Variants in TLK1 observed in about 807,000 individuals in gnomAD.
The protein encoded by TLK1 is serine/threonine-protein kinase tousled-like 1.
TLK1 carries 24 observed loss-of-function variants against 105.3 expected under a neutral mutation model. That is an observed-to-expected ratio of 0.23 (90% CI 0.17 to 0.32). The LOEUF (loss-of-function observed/expected upper bound fraction) is 0.32, where lower values mean the gene tolerates loss of function less well. Ranked by LOEUF, TLK1 falls within the 10% of genes least tolerant of loss-of-function variation. The probability of loss-of-function intolerance (pLI) is 1.00; values close to 1 mark genes in which losing one functional copy is unlikely to be tolerated. For missense variants in TLK1, 558 were observed against 910.5 expected, an observed-to-expected ratio of 0.61 and a Z score of 4.98; for synonymous variants, 321 against 310.4, an observed-to-expected ratio of 1.03 and a Z score of -0.36.
chr2:171,156,295 A>G (rs1175266106), intron 1 of TLK1, among the ~76,000 whole-genome samples: 1 of 152,234 alleles, frequency 6.6e-6, no homozygotes, highest in Non-Finnish European at 1.5e-5. Context: ...AAAAATATAA[A>G]ACAATGCCAC....
At chr2:171,038,574 T>C (rs1182753212) in intron 11 of TLK1, among the ~76,000 whole-genome samples, 7 of 152,290 alleles carry the variant, frequency 4.6e-5, no homozygotes, top group Admixed American at 2.0e-4. Flanking sequence ...CTCATTTCCA[T>C]TGGCACTTTT....
intron 1 of TLK1, among the ~76,000 whole-genome samples, chr2:171,196,976 G>A (rs553488200): frequency 4.6e-5 from 7 of 152,076 alleles, no homozygotes; most frequent in Non-Finnish European, 7.4e-5. Flanking sequence ...TACATTTCAC[G>A]TAAGTCATAA....
intron 11 of TLK1, among the ~76,000 whole-genome samples, chr2:171,039,372 C>T (rs1030479151): frequency 6.6e-6 from 1 of 152,250 alleles, no homozygotes; most frequent in Admixed American, 6.5e-5. Flanking sequence ...CTCAAGCGAT[C>T]CTCCCACCTC....
At chr2:171,087,497 A>G (rs890702190) in intron 2 of TLK1, among the ~76,000 whole-genome samples, 9 of 152,178 alleles carry the variant, frequency 5.9e-5, no homozygotes, top group African/African-American at 2.2e-4. Flanking sequence ...GAAGCAGTCT[A>G]AGATACATGT....
chr2:171,217,983 G>A (rs961745558), intron 1 of TLK1, among the ~76,000 whole-genome samples: 1 of 152,304 alleles, frequency 6.6e-6, no homozygotes, highest in Middle Eastern at 3.4e-3. Context: ...GCCGGGCATG[G>A]TGGTTCATGC....
chr2:171,066,753 C>G, intron 3 of TLK1: 2 of 1,349,310 alleles, frequency 1.5e-6, no homozygotes, highest in Admixed American at 5.0e-5. Flanking sequence ...ACTTTCCCTT[C>G]TCTGGCTATC....
intron 12 of TLK1, among the ~76,000 whole-genome samples, chr2:171,017,893 T>C (rs1685285063): frequency 6.6e-6 from 1 of 152,224 alleles, no homozygotes; most frequent in African/African-American, 2.4e-5. Flanking sequence ...TGAAATATAT[T>C]TGTCTTTCAT....
intron 8 of TLK1, among the ~76,000 whole-genome samples, chr2:171,050,585 A>T (rs1687190945): frequency 6.6e-6 from 1 of 152,226 alleles, no homozygotes; most frequent in South Asian, 2.1e-4. Context: ...CTTATAATTA[A>T]CAAATTAAAT....
chr2:171,069,076 A>G (rs1188461032), intron 3 of TLK1, among the ~76,000 whole-genome samples: 1 of 152,246 alleles, frequency 6.6e-6, no homozygotes, highest in African/African-American at 2.4e-5. Flanking sequence ...TAGCTCAGGT[A>G]TATCTTAGAT....
At chr2:171,080,070 G>A (rs1688680542) in intron 3 of TLK1, among the ~76,000 whole-genome samples, 2 of 151,580 alleles carry the variant, frequency 1.3e-5, no homozygotes, top group South Asian at 4.2e-4. Context: ...GGTGGCTTAC[G>A]CCTATAATCC....
chr2:171,010,465 G>A (rs1239208771), intron 14 of TLK1, among the ~76,000 whole-genome samples: 1 of 152,116 alleles, frequency 6.6e-6, no homozygotes, highest in Non-Finnish European at 1.5e-5. Context: ...TTGAACTCAG[G>A]AAGAAAGTGT....
intron 1 of TLK1, among the ~76,000 whole-genome samples, chr2:171,142,019 A>T (rs533820471): frequency 3.1e-4 from 47 of 152,308 alleles, no homozygotes; most frequent in South Asian, 2.5e-3. Flanking sequence ...GGAGAGGGAA[A>T]TGTACAGTTA....
chr2:171,197,790 C>CA (rs1313397729), intron 1 of TLK1, among the ~76,000 whole-genome samples: 1 of 119,384 alleles, frequency 8.4e-6, no homozygotes, highest in Non-Finnish European at 1.9e-5. Context: ...AAAACAAAAC[C>CA]AAACAAACAA....
At chr2:171,073,549 C>T (rs1046332136) in intron 3 of TLK1, among the ~76,000 whole-genome samples, 11 of 152,076 alleles carry the variant, frequency 7.2e-5, no homozygotes, top group African/African-American at 1.9e-4. Context: ...CAGATGTATA[C>T]AGCCAGGATG....
chr2:171,101,487 GA>G (rs1295045960), intron 2 of TLK1, among the ~76,000 whole-genome samples: 1 of 152,120 alleles, frequency 6.6e-6, no homozygotes, highest in Non-Finnish European at 1.5e-5. Flanking sequence ...GGCTAGGGAA[GA>G]AGGAAAGTTG....
At chr2:171,120,480 G>C (rs1690610626) in intron 1 of TLK1, among the ~76,000 whole-genome samples, 1 of 151,950 alleles carries the variant, frequency 6.6e-6, no homozygotes, top group Non-Finnish European at 1.5e-5. Flanking sequence ...ATGGGCAAAA[G>C]ACTGGAATAC....
intron 1 of TLK1, among the ~76,000 whole-genome samples, chr2:171,128,740 A>G (rs956459686): frequency 1.4e-4 from 22 of 152,178 alleles, no homozygotes; most frequent in Non-Finnish European, 2.5e-4. Flanking sequence ...CATTGTGTAT[A>G]TACATGTACA....
chr2:171,021,758 T>G (rs1014509158), intron 12 of TLK1, among the ~76,000 whole-genome samples: 9 of 152,066 alleles, frequency 5.9e-5, no homozygotes, highest in Non-Finnish European at 1.2e-4. Context: ...CTAAGATTCT[T>G]CCCAAAATGT....
rs1322484553 is a variant in TLK1, at chr2:171,160,817, C to T, written c.-389G>A. 3 of 358,900 alleles carry T rather than the reference C, an allele frequency of 8.4e-6. No individual in the cohort carries two copies. The highest frequency in any genetic ancestry group is 4.2e-5 in the East Asian group (1 of 23,532). 22.2% of individuals were successfully genotyped at this position (358,900 alleles called of 1,614,324 possible). A position where few individuals can be genotyped will look rare whatever the true frequency, so the allele number is the denominator to read the frequency against. ...GGAACCTGCCGGCACCTCTGCAGTG[C>T]GTCGGCCCCCGGCGTCGCCCGGGAG... On this transcript the variant is annotated 5_prime_UTR_variant, in exon 1 of 21. Transcript: ENST00000431350. The surrounding 1 kb of genome is among the most constrained non-coding windows in gnomAD (Gnocchi z 4.4).
Sources: allele counts gnomAD v4.1 joint callset (sites outside exome capture counted in the v4.1 genomes callset), GRCh38; gene constraint gnomAD v4.1.1; non-coding constraint Gnocchi (gnomAD v3.1); transcripts MANE v1.5; gene names NCBI Gene and HGNC (gene_info 2026-07-23, HGNC 2026-07-21).